Variants in ADGRV1 observed in about 807,000 individuals in gnomAD.
ADGRV1 encodes the protein G-protein coupled receptor 98.
In ADGRV1, 359 loss-of-function variants were observed where a neutral mutation model predicts 596.2. The observed-to-expected ratio is 0.60, with a 90% CI of 0.55 to 0.66. The LOEUF is 0.66. ADGRV1 is among the 30% of genes least tolerant of loss of function. ADGRV1 has a pLI of 0.00. For missense variants in ADGRV1, 7,274 were observed against 7,575.6 expected (o/e 0.96, Z 1.48); for synonymous variants, 2,681 against 2,679.2 (o/e 1.00, Z -0.02).
At chr5:90,797,643 G>A (rs116108829) in intron 70 of ADGRV1, among the ~76,000 whole-genome samples, 533 of 152,202 alleles carry the variant, frequency 3.5e-3, no homozygotes, top group African/African-American at 0.012. Flanking sequence ...GACATCTACA[G>A]GTATCTCCAC....
At chr5:90,802,674 C>T (rs914757562) in intron 70 of ADGRV1, 65 bp from the exon 71 acceptor site, 2 of 1,465,444 alleles carry the variant, frequency 1.4e-6, no homozygotes, top group East Asian at 4.7e-5. Flanking sequence ...GCTAATGGCT[C>T]AAGTCAAAGA....
chr5:90,750,759 A>G (rs2149947297), intron 53 of ADGRV1, 62 bp downstream of exon 53: 1 of 1,312,918 alleles, frequency 7.6e-7, no homozygotes, highest in Non-Finnish European at 1.1e-6. Context: ...GATGTATGGG[A>G]CCAAATCCTG....
intron 86 of ADGRV1, among the ~76,000 whole-genome samples, chr5:91,090,618 T>C (rs1371711076): frequency 6.6e-6 from 1 of 151,830 alleles, no homozygotes; most frequent in African/African-American, 2.4e-5. Flanking sequence ...TTCACTTCTC[T>C]GCCTGCAGAT....
chr5:90,658,206 T>C lies in ADGRV1; in HGVS notation c.4680T>C (p.Thr1560=). ...GGARISEENT[T]ARLTIQKSDN... is the part of the protein sequence containing the mutation. ...CTCGTATTTCGGAAGAAAATACTAC[T>C]GCAAGATTAACAATACAAAAAAGTG... The change falls in exon 21 of 90, where the codon ACT becomes ACC. Residue 1560 remains threonine, a synonymous_variant. Coordinates refer to ENST00000405460, the MANE Select transcript of ADGRV1 (RefSeq NM_032119.4). 1 of 1,571,564 alleles carries C rather than the reference T, an allele frequency of 6.4e-7. No homozygotes were observed. Among genetic ancestry groups the C allele is most frequent in the Non-Finnish European group, 8.6e-7 (1 of 1,158,248 alleles).
At chr5:90,771,930 C>T (rs1248898907) in intron 59 of ADGRV1, among the ~76,000 whole-genome samples, 1 of 152,080 alleles carries the variant, frequency 6.6e-6, no homozygotes, top group East Asian at 1.9e-4. Context: ...ATGAAACTTC[C>T]CCATCACCTT....
At chr5:90,731,602 T>C (rs1302254102) in intron 50 of ADGRV1, among the ~76,000 whole-genome samples, 1 of 152,168 alleles carries the variant, frequency 6.6e-6, no homozygotes, top group Non-Finnish European at 1.5e-5. Context: ...TTTATAGCAT[T>C]GAGGCCACCA....
Position 90,778,991 on chromosome 5 carries a change from G to A in ADGRV1, c.12976G>A (p.Ala4326Thr). The A allele has an allele frequency of 6.2e-7, 1 of 1,613,418 alleles. No individual in the cohort carries two copies. The highest frequency in any genetic ancestry group is 8.5e-7 in the Non-Finnish European group (1 of 1,179,458). ...VPAAGELLFEAGEMRKSLHVE... is the reference protein window; with the variant it reads ...VPAAGELLFETGEMRKSLHVE... ...TGCAGCAGGGGAGCTCCTCTTTGAA[G>A]CAGGGGAGATGAGGAAAAGTCTGCA... is the stretch of plus-strand genomic sequence containing the variant. The change falls in exon 64 of 90, where the codon GCA becomes ACA. Residue 4326 changes from alanine (A) to threonine (T), a missense_variant. By Grantham distance (58) the Ala-to-Thr change is moderately conservative. This residue lies in a region of ADGRV1 where 3,643 missense variants were observed against 3,809.2 expected (regional missense o/e 0.96). Coordinates refer to ENST00000405460, the MANE Select transcript of ADGRV1 (RefSeq NM_032119.4).
At chr5:90,791,497 A>AAT (rs1760074764) in intron 70 of ADGRV1, 151 bp downstream of exon 70, 1 of 600,968 alleles carries the variant, frequency 1.7e-6, no homozygotes, top group East Asian at 2.8e-5. Context: ...ACTACTGGAT[A>AAT]ATACATTTGC....
intron 1 of ADGRV1, among the ~76,000 whole-genome samples, chr5:90,584,826 A>C (rs1758538384): frequency 6.6e-6 from 1 of 152,202 alleles, no homozygotes; most frequent in South Asian, 2.1e-4. Context: ...TTTATTGTTC[A>C]AGTGGCCATA....
At chr5:91,022,987 A>G (rs962566107) in intron 85 of ADGRV1, among the ~76,000 whole-genome samples, 3 of 152,228 alleles carry the variant, frequency 2.0e-5, no homozygotes, top group Non-Finnish European at 2.9e-5. Flanking sequence ...GACATTTGGG[A>G]TCCTATGGAT....
intron 21 of ADGRV1, among the ~76,000 whole-genome samples, chr5:90,666,261 A>T (rs1212090042): frequency 6.6e-6 from 1 of 152,010 alleles, no homozygotes; most frequent in Non-Finnish European, 1.5e-5. Flanking sequence ...GTCTCTTTGT[A>T]GGTCATTCAG....
At chr5:90,855,649 T>G in intron 81 of ADGRV1, 92 bp from the exon 82 acceptor site, 1 of 848,774 alleles carries the variant, frequency 1.2e-6, no homozygotes, top group East Asian at 2.6e-5. Context: ...CAAAGAACAC[T>G]TAATTTCAGT....
chr5:90,871,044 T>G (rs1215149355), intron 83 of ADGRV1, among the ~76,000 whole-genome samples: 2 of 152,208 alleles, frequency 1.3e-5, no homozygotes, highest in Non-Finnish European at 2.9e-5. Context: ...CAAATTTCTG[T>G]GATGGCCTTA....
At position 90,976,316 on chromosome 5, in the gene ADGRV1, GTGTGTGTATA is replaced by G. The variant is rs1238810734; in HGVS notation, c.17974-9026_17974-9017del. On this transcript the variant is annotated intron_variant, in intron 84 of 89. Coordinates refer to ENST00000405460, the MANE Select transcript of ADGRV1 (RefSeq NM_032119.4). ...TGTGTATATGTGTGTGTGTGTGTGT[GTGTGTGTATA>G]TATATATATATATATATATATATGT... Among the ~76,000 whole-genome samples, 199 of 121,456 alleles carry G rather than the reference GTGTGTGTATA, an allele frequency of 1.6e-3. 2 individuals carry two copies. The highest frequency in any genetic ancestry group is 6.8e-3 in the African/African-American group (196 of 28,970). The allele number at this position is 121,456 out of a possible 152,430, so 79.7% of individuals were successfully genotyped here.
intron 85 of ADGRV1, among the ~76,000 whole-genome samples, chr5:91,052,163 A>G (rs1038479547): frequency 2.0e-5 from 3 of 152,146 alleles, no homozygotes; most frequent in South Asian, 4.1e-4. Flanking sequence ...TTAAGCAAAT[A>G]TAAGCCTTAA....
At chr5:90,855,691 C>T (rs555419091) in intron 81 of ADGRV1, 50 bp from the exon 82 acceptor site, 19 of 1,329,088 alleles carry the variant, frequency 1.4e-5, no homozygotes, top group Non-Finnish European at 1.7e-5. Context: ...CATCTCAACA[C>T]CTTCAGTATT....
chr5:90,620,308 T>A (rs1763896850), intron 4 of ADGRV1, among the ~76,000 whole-genome samples: 1 of 152,122 alleles, frequency 6.6e-6, no homozygotes, highest in African/African-American at 2.4e-5. Flanking sequence ...TGGTGTGAGA[T>A]GGTGTCTCAT....
rs754505182 is a variant in ADGRV1, at chr5:90,629,493, T to C, written c.1793T>C (p.Ile598Thr). ...ACTCAAGTCACTACAAAATTACCAA[T>C]AAGAAATGATGCATTCCTTCAAAAT... The part of the protein sequence containing the change: ...QKTQVTTKLP[I>T]RNDAFLQNGA... Residue 598 changes from isoleucine to threonine, a missense_variant, in exon 9 of 90, where the codon ATA becomes ACA. Transcript: ENST00000405460. 14 of 1,613,134 alleles carry C rather than the reference T, an allele frequency of 8.7e-6. No individual in the cohort carries two copies. Among genetic ancestry groups the C allele is most frequent in the African/African-American group, 8.0e-5 (6 of 74,834 alleles).
intron 79 of ADGRV1, among the ~76,000 whole-genome samples, chr5:90,852,868 G>T (rs1467475707): frequency 1.3e-5 from 2 of 152,134 alleles, no homozygotes; most frequent in African/African-American, 4.8e-5. Flanking sequence ...GATATATAAG[G>T]TTTATGATGT....
Sources: allele counts gnomAD v4.1 joint callset (sites outside exome capture counted in the v4.1 genomes callset), GRCh38; gene constraint gnomAD v4.1.1; regional missense constraint gnomAD v4.1.1; transcripts MANE v1.5; gene names NCBI Gene and HGNC (gene_info 2026-07-23, HGNC 2026-07-21).